The following RAI1 variants were observed in gnomAD, a reference collection of about 807,000 sequenced individuals.
RAI1 encodes the protein retinoic acid induced 1.
A neutral mutation model predicts 123.8 loss-of-function variants in RAI1; 9 were observed. That is an observed-to-expected ratio of 0.07 (90% CI 0.04 to 0.13). The LOEUF (loss-of-function observed/expected upper bound fraction) is 0.13, where lower values mean the gene tolerates loss of function less well. Ranked by LOEUF, RAI1 falls within the 10% of genes least tolerant of loss-of-function variation. The probability of loss-of-function intolerance (pLI) is 1.00; values close to 1 mark genes in which losing one functional copy is unlikely to be tolerated. For missense variants in RAI1, 2,256 were observed against 2,545.8 expected, an observed-to-expected ratio of 0.89 and a Z score of 2.45; for synonymous variants, 1,231 against 1,127.3, an observed-to-expected ratio of 1.09 and a Z score of -1.84.
intron 1 of RAI1, among the ~76,000 whole-genome samples, chr17:17,693,512 AT>A (rs1418878574): frequency 6.6e-6 from 1 of 152,156 alleles, no homozygotes; most frequent in Non-Finnish European, 1.5e-5. Flanking sequence ...CTCCAAAGCC[AT>A]TGTCGAAGGT....
rs941133921 is a variant in RAI1, at chr17:17,685,272, A to G, written c.-149+3479A>G. Among the ~76,000 whole-genome samples the G allele has an allele frequency of 1.3e-5, 2 of 152,240 alleles. No homozygotes were observed. The highest frequency in any genetic ancestry group is 4.8e-5 in the African/African-American group (2 of 41,466). ...GGGCCCAAGGGAACAGGGATTTTCC[A>G]AGGACCCACTGTTTCCAAAGTTCTG... On this transcript the variant is annotated intron_variant, in intron 1 of 5. Coordinates refer to ENST00000353383, the MANE Select transcript of RAI1 (RefSeq NM_030665.4). The surrounding 1 kb of genome is among the most constrained non-coding windows in gnomAD (Gnocchi z 4.0).
At position 17,794,499 on chromosome 17, in the gene RAI1, C is replaced by T. The variant is rs1272394271; in HGVS notation, c.1551C>T (p.Tyr517=). Residue 517 remains tyrosine, a synonymous_variant, in exon 3 of 6, where the codon TAC becomes TAT. Coordinates refer to ENST00000353383, the MANE Select transcript of RAI1 (RefSeq NM_030665.4). Reference sequence around the variant, plus strand: ...ATGCGGAGCCGCAGGAGGCCGACTACCTGAGCGGCTCCGAGGACCCACTGG... The same window carrying T: ...ATGCGGAGCCGCAGGAGGCCGACTATCTGAGCGGCTCCGAGGACCCACTGG... ...STHAEPQEAD[Y]LSGSEDPLER... is the part of the protein sequence containing the mutation. 1 of 1,612,208 alleles carries T rather than the reference C, an allele frequency of 6.2e-7. No individual in the cohort carries two copies. The highest frequency in any genetic ancestry group is 8.5e-7 in the Non-Finnish European group (1 of 1,179,582).
At chr17:17,792,334 C>T (rs796095620) in intron 2 of RAI1, among the ~76,000 whole-genome samples, 21 of 150,618 alleles carry the variant, frequency 1.4e-4, no homozygotes, top group African/African-American at 4.2e-4. Context: ...TGTGTGTGCG[C>T]GCGTGTGTGT....
chr17:17,741,688 A>C (rs2142970036), intron 2 of RAI1, among the ~76,000 whole-genome samples: 1 of 152,316 alleles, frequency 6.6e-6, no homozygotes, highest in South Asian at 2.1e-4. Flanking sequence ...CAGAGGCCAC[A>C]GGCAGCCTTT....
chr17:17,704,904 G>T (rs898767744), intron 1 of RAI1, among the ~76,000 whole-genome samples: 2 of 152,046 alleles, frequency 1.3e-5, no homozygotes, highest in Non-Finnish European at 2.9e-5. Flanking sequence ...GTTATGGCCC[G>T]TGAGGTGTGA....
chr17:17,757,932 C>T (rs981110714), intron 2 of RAI1, among the ~76,000 whole-genome samples: 2 of 152,218 alleles, frequency 1.3e-5, no homozygotes, highest in Non-Finnish European at 2.9e-5. Context: ...GTAGCTTTCC[C>T]CTTCTGGGCC....
rs140421897 is a variant in RAI1 at position 17,803,979 on chromosome 17, C to G, written c.5659+130C>G. On this transcript the variant is annotated intron_variant, in intron 4 of 5. Coordinates refer to ENST00000353383, the MANE Select transcript of RAI1 (RefSeq NM_030665.4). Reference sequence around the variant, plus strand: ...CAGTTTCCCTCCTCTCTTGCCCCAGCAATTCTTTTATCCTTCTGTCTGCCT... The same window carrying G: ...CAGTTTCCCTCCTCTCTTGCCCCAGGAATTCTTTTATCCTTCTGTCTGCCT... 38 of 909,040 alleles carry G rather than the reference C, an allele frequency of 4.2e-5. No homozygotes were observed. The East Asian group carries it at 9.7e-4, about 23-fold the overall frequency. 56.3% of individuals were successfully genotyped at this position (909,040 alleles called of 1,614,324 possible).
chr17:17,685,905 C>T lies in RAI1; in HGVS notation c.-149+4112C>T, dbSNP rs1914610554. ...GTGCATCGGGCTGGGCTGTTCCTTC[C>T]ACCTGGGATGCCCCTCACCTTCCTC... On this transcript the variant is annotated intron_variant, in intron 1 of 5. Transcript: ENST00000353383. The surrounding 1 kb of genome is among the most constrained non-coding windows in gnomAD (Gnocchi z 4.0). Among the ~76,000 whole-genome samples the T allele has an allele frequency of 6.6e-6, 1 of 152,190 alleles. No homozygotes were observed. The highest frequency in any genetic ancestry group is 2.4e-5 in the African/African-American group (1 of 41,448).
chr17:17,794,048 T>C lies in RAI1; in HGVS notation c.1100T>C (p.Leu367Pro). 6.2e-7 allele frequency: 1 copy of C among 1,613,866 alleles called. No homozygotes were observed. The highest frequency in any genetic ancestry group is 8.5e-7 in the Non-Finnish European group (1 of 1,180,008). The change falls in exon 3 of 6, where the codon CTG (leucine) becomes CCG (proline). Residue 367 changes from leucine (L) to proline (P), a missense_variant. Leu to Pro is a moderately conservative substitution (Grantham distance 98). Coordinates refer to ENST00000353383, the MANE Select transcript of RAI1 (RefSeq NM_030665.4). ...ACACCGTCGCCGCTGATGCCAAACC[T>C]GGAGAACTTTCCCTACAGCCAGCAG... is the stretch of plus-strand genomic sequence containing the variant. ...SSTPSPLMPN[L>P]ENFPYSQQPL...
chr17:17,796,800 C>T lies in RAI1; in HGVS notation c.3852C>T (p.Gly1284=), dbSNP rs754335350. 11 of 1,611,628 alleles carry T rather than the reference C, an allele frequency of 6.8e-6. No homozygotes were observed. The highest frequency in any genetic ancestry group is 8.5e-6 in the Non-Finnish European group (10 of 1,178,906). The part of the protein sequence containing the change: ...SSPKKAKPTK[G]NGEPATKLPP... The stretch of plus-strand genomic sequence containing the variant: ...CCAAGAAAGCCAAGCCCACCAAGGG[C>T]AATGGCGAGCCTGCCACAAAGCTCC... Residue 1284 remains glycine (G), a synonymous_variant, in exon 3 of 6, where the codon GGC becomes GGT. Coordinates refer to ENST00000353383, the MANE Select transcript of RAI1 (RefSeq NM_030665.4). This position sits in a 1 kb window ranked among gnomAD's most constrained non-coding sequence, Gnocchi z 5.8.
In RAI1 at chr17:17,795,270, G is replaced by T; in HGVS notation, c.2322G>T (p.Lys774Asn). The T allele has an allele frequency of 5.0e-6, 8 of 1,613,708 alleles. No individual in the cohort carries two copies. Among genetic ancestry groups the T allele is most frequent in the Non-Finnish European group, 6.8e-6 (8 of 1,179,782 alleles). Reference sequence around the variant, plus strand: ...CCAAGGGCCTGGAGCAGGGTGGGAAGGCCTCAGATGGCATCAGCAAAGGGG... The same window carrying T: ...CCAAGGGCCTGGAGCAGGGTGGGAATGCCTCAGATGGCATCAGCAAAGGGG... The part of the protein sequence containing the change: ...ELTKGLEQGG[K>N]ASDGISKGDT... The change falls in exon 3 of 6, where the codon AAG (lysine) becomes AAT (asparagine). Residue 774 changes from lysine (K) to asparagine (N), a missense_variant. Physicochemically the swap from Lys to Asn is moderately conservative, Grantham distance 94. Coordinates refer to ENST00000353383, the MANE Select transcript of RAI1 (RefSeq NM_030665.4). The surrounding 1 kb of genome is among the most constrained non-coding windows in gnomAD (Gnocchi z 5.9).
intron 1 of RAI1, among the ~76,000 whole-genome samples, chr17:17,692,409 G>A (rs1292556895): frequency 1.3e-5 from 2 of 152,232 alleles, no homozygotes; most frequent in Non-Finnish European, 2.9e-5. Context: ...CTACTATTGT[G>A]CCAGGCATTG....
intron 1 of RAI1, among the ~76,000 whole-genome samples, chr17:17,695,531 CTT>C (rs10692662): frequency 7.6e-5 from 11 of 145,444 alleles, no homozygotes; most frequent in Admixed American, 1.4e-4. Flanking sequence ...TTCTCTCTCT[CTT>C]TTTTTTTTTT....
intron 2 of RAI1, among the ~76,000 whole-genome samples, chr17:17,767,685 G>C (rs1434125002): frequency 6.6e-6 from 1 of 152,248 alleles, no homozygotes; most frequent in Non-Finnish European, 1.5e-5. Flanking sequence ...TCCTTCAGGG[G>C]TCATCGCCCT....
chr17:17,706,238 A>G (rs963615687), intron 1 of RAI1, among the ~76,000 whole-genome samples: 1 of 151,520 alleles, frequency 6.6e-6, no homozygotes, highest in Non-Finnish European at 1.5e-5. Flanking sequence ...CACTTGGGGG[A>G]GTGGGTCTGC....
rs2032703226 is a variant in RAI1, at chr17:17,810,152, C to G, written c.*171C>G. ...TGGATCCGGCCGCCTAGGGCTCAGA[C>G]TTGCGGCCCCGGGTTGGGAGGAAAA... is the stretch of plus-strand genomic sequence containing the variant. On this transcript the variant is annotated 3_prime_UTR_variant, in exon 6 of 6. Transcript: ENST00000353383. This position sits in a 1 kb window ranked among gnomAD's most constrained non-coding sequence, Gnocchi z 4.6. The G allele has an allele frequency of 2.1e-6, 2 of 963,128 alleles. No individual in the cohort carries two copies. The highest frequency in any genetic ancestry group is 1.7e-5 in the African/African-American group (1 of 58,366). 59.7% of individuals were successfully genotyped at this position (963,128 alleles called of 1,614,324 possible).
chr17:17,799,054 TCA>T lies in RAI1; in HGVS notation c.5565+546_5565+547del, dbSNP rs1285377213. Among the ~76,000 whole-genome samples the T allele has an allele frequency of 1.3e-5, 2 of 152,080 alleles. No individual in the cohort carries two copies. Among genetic ancestry groups the T allele is most frequent in the Non-Finnish European group, 2.9e-5 (2 of 67,986 alleles). On this transcript the variant is annotated intron_variant, in intron 3 of 5. Transcript: ENST00000353383. The surrounding 1 kb of genome is among the most constrained non-coding windows in gnomAD (Gnocchi z 4.5). ...TCCCTCTGCAGGACAGTCCATGGGG[TCA>T]CACAGTCACAACAGGCAGGGCGGGG...
In RAI1 at chr17:17,795,961, C is replaced by A. The variant is rs2032225736; in HGVS notation, c.3013C>A (p.Arg1005=). ...AAGCTTACGGAGCCGTCGGGTGCACCGGGGGCTGCCCGAGGCCGAGGACTC... is the reference window on the plus strand; with the variant it reads ...AAGCTTACGGAGCCGTCGGGTGCACAGGGGGCTGCCCGAGGCCGAGGACTC... ...GKSLRSRRVH[R]GLPEAEDSPC... The change falls in exon 3 of 6, where the codon CGG becomes AGG. Residue 1005 remains arginine (R), a synonymous_variant. Coordinates refer to ENST00000353383, the MANE Select transcript of RAI1 (RefSeq NM_030665.4). This position sits in a 1 kb window ranked among gnomAD's most constrained non-coding sequence, Gnocchi z 5.9. 7 of 1,604,462 alleles carry A rather than the reference C, an allele frequency of 4.4e-6. No individual in the cohort carries two copies. The highest frequency in any genetic ancestry group is 5.9e-6 in the Non-Finnish European group (7 of 1,177,802).
chr17:17,706,240 T>A (rs896314925), intron 1 of RAI1, among the ~76,000 whole-genome samples: 2 of 150,336 alleles, frequency 1.3e-5, no homozygotes, highest in African/African-American at 2.5e-5. Context: ...CTTGGGGGAG[T>A]GGGTCTGCTG....
Sources: gnomAD v4.1 joint callset for allele counts (sites outside exome capture counted in the v4.1 genomes callset) on GRCh38, gnomAD v4.1.1 for gene constraint, Gnocchi (gnomAD v3.1) non-coding constraint, MANE v1.5 for transcripts, NCBI Gene and HGNC (gene_info 2026-07-23, HGNC 2026-07-21) for gene names.